SRCAP: variants seen among roughly 807,000 people sequenced by gnomAD.
SRCAP encodes the protein chromatin remodeling protein SRCAP.
In SRCAP, 46 loss-of-function variants were observed where a neutral mutation model predicts 263.1. The ratio of observed to expected loss-of-function variants is 0.17; its 90% CI spans 0.14 to 0.22. The LOEUF (loss-of-function observed/expected upper bound fraction) is 0.22, where lower values mean the gene tolerates loss of function less well. Ranked by LOEUF, SRCAP falls within the 10% of genes least tolerant of loss-of-function variation. SRCAP has a pLI of 1.00. For missense variants in SRCAP, 3,695 were observed against 4,181.9 expected, an observed-to-expected ratio of 0.88 and a Z score of 3.21; for synonymous variants, 1,813 against 1,662.1, an observed-to-expected ratio of 1.09 and a Z score of -2.21.
intron 21 of SRCAP, 67 bp downstream of exon 21, chr16:30,721,543 C>T: frequency 1.3e-6 from 2 of 1,550,088 alleles, no homozygotes; most frequent in East Asian, 2.3e-5. Flanking sequence ...ATGAGAGCAT[C>T]AAATTTTAGG....
chr16:30,734,301 C>G, intron 30 of SRCAP, 195 bp from the exon 31 acceptor site: 2 of 746,366 alleles, frequency 2.7e-6, no homozygotes, highest in Non-Finnish European at 4.2e-6. Context: ...TGAGATGGCG[C>G]CATTGCACTT....
In SRCAP at chr16:30,713,898, C is replaced by CT. The variant is rs1488979931; in HGVS notation, c.2493+188dup. Among the ~76,000 whole-genome samples the CT allele has an allele frequency of 7.8e-5, 9 of 116,006 alleles. 1 individual carries two copies. Among genetic ancestry groups the CT allele is most frequent in the Middle Eastern group, 0.011 (2 of 174 alleles). 76.1% of individuals were successfully genotyped at this position (116,006 alleles called of 152,430 possible). A position where few individuals can be genotyped will look rare whatever the true frequency, so the allele number is the denominator to read the frequency against. Reference sequence around the variant, plus strand: ...AGTGACCTCATCTTAGTCATCAATTCTGTTTTTTTTTTTTTTTGAGACTGA... The same window carrying CT: ...AGTGACCTCATCTTAGTCATCAATTCTTGTTTTTTTTTTTTTTTGAGACTGA... On this transcript the variant is annotated intron_variant, in intron 16 of 33. Transcript: ENST00000262518.
intron 2 of SRCAP, 82 bp downstream of exon 2, chr16:30,700,063 G>GA (rs1162775980): frequency 6.6e-6 from 1 of 152,194 alleles, no homozygotes; most frequent in East Asian, 1.9e-4. Context: ...CCGTATTGGG[G>GA]ATTTTCACTC....
chr16:30,728,990 C>CGGCA lies in SRCAP; in HGVS notation c.5685_5688dup (p.Arg1897AlafsTer4). The stretch of plus-strand genomic sequence containing the variant: ...GGACTCCCTGGAGGAAAAGCGGAAG[C>CGGCA]GGCAGCGGTCTGAACGCCTGGAACG... On this transcript the variant is annotated frameshift_variant, in exon 26 of 34. Transcript: ENST00000262518. LOFTEE classifies it high-confidence loss of function. 1.2e-6 allele frequency: 2 copies of CGGCA among 1,613,542 alleles called. No individual in the cohort carries two copies. The highest frequency in any genetic ancestry group is 1.7e-6 in the Non-Finnish European group (2 of 1,179,578).
At position 30,720,213 on chromosome 16, in the gene SRCAP, C is replaced by G; in HGVS notation, c.2869C>G (p.Arg957Gly). ...DLIGLEGRVS[R>G]YEADTFLPRH... Reference sequence around the variant, plus strand: ...TATTGGCCTGGAAGGTCGTGTCTCTCGATATGAGGCAGACACATTTCTGCC... The same window carrying G: ...TATTGGCCTGGAAGGTCGTGTCTCTGGATATGAGGCAGACACATTTCTGCC... The change falls in exon 19 of 34, where the codon CGA (arginine) becomes GGA (glycine). Residue 957 changes from arginine (R) to glycine (G), a missense_variant. Arg to Gly is a moderately radical substitution (Grantham distance 125). Transcript: ENST00000262518. 1 of 1,613,934 alleles carries G rather than the reference C, an allele frequency of 6.2e-7. No individual in the cohort carries two copies. The highest frequency in any genetic ancestry group is 8.5e-7 in the Non-Finnish European group (1 of 1,179,866).
chr16:30,722,663 T>C lies in SRCAP; in HGVS notation c.3807T>C (p.Pro1269=), dbSNP rs760317410. The C allele has an allele frequency of 6.2e-7, 1 of 1,613,856 alleles. No homozygotes were observed. The highest frequency in any genetic ancestry group is 8.5e-7 in the Non-Finnish European group (1 of 1,179,944). Residue 1269 remains proline (P), a synonymous_variant, in exon 23 of 34, where the codon CCT becomes CCC. Coordinates refer to ENST00000262518, the MANE Select transcript of SRCAP (RefSeq NM_006662.3). The part of the protein sequence containing the change: ...LIQAVAPTPG[P]TPVSVLPSST... ...AGGCCGTGGCCCCGACCCCTGGCCC[T>C]ACCCCTGTCTCTGTGCTGCCTTCTT... is the stretch of plus-strand genomic sequence containing the variant.
chr16:30,711,876 T>C lies in SRCAP; in HGVS notation c.1534T>C (p.Ser512Pro), dbSNP rs1168168966. The C allele has an allele frequency of 6.2e-7, 1 of 1,613,720 alleles. No individual in the cohort carries two copies. Among genetic ancestry groups the C allele is most frequent in the East Asian group, 2.2e-5 (1 of 44,852 alleles). Residue 512 changes from serine to proline, a missense_variant, in exon 12 of 34, where the codon TCA becomes CCA. Coordinates refer to ENST00000262518, the MANE Select transcript of SRCAP (RefSeq NM_006662.3). Reference protein sequence around the residue: ...DRSEDEEDEHSEEEETSGSSA... With the variant: ...DRSEDEEDEHPEEEETSGSSA... ...GAGTGAGGATGAGGAAGATGAACATTCAGAGGAGGAAGAAACAAGTGGAAG... is the reference window on the plus strand; with the variant it reads ...GAGTGAGGATGAGGAAGATGAACATCCAGAGGAGGAAGAAACAAGTGGAAG...
At chr16:30,719,222 ATT>A (rs71149048) in intron 18 of SRCAP, among the ~76,000 whole-genome samples, 4 of 144,094 alleles carry the variant, frequency 2.8e-5, no homozygotes, top group South Asian at 4.4e-4. Context: ...ATTTATTTTT[ATT>A]TTTTTTTTTG....
chr16:30,710,644 A>G lies in SRCAP; in HGVS notation c.1135-110A>G, dbSNP rs1555463743. The G allele has an allele frequency of 1.1e-5, 12 of 1,100,820 alleles. No homozygotes were observed. In the East Asian group the frequency reaches 1.4e-4, roughly 13 times the overall value. The allele number at this position is 1,100,820 out of a possible 1,614,324, so 68.2% of individuals were successfully genotyped here. ...TTGCCCTGGGATTATACCAGTGGCA[A>G]CTGTCACTCAATGGGACAGTGATTC... On this transcript the variant is annotated intron_variant, in intron 8 of 33. Coordinates refer to ENST00000262518, the MANE Select transcript of SRCAP (RefSeq NM_006662.3).
At chr16:30,730,565 G>A (rs2053104307) in intron 27 of SRCAP, among the ~76,000 whole-genome samples, 1 of 152,012 alleles carries the variant, frequency 6.6e-6, no homozygotes, top group African/African-American at 2.4e-5. Flanking sequence ...CTGAGTAGCT[G>A]GGATTACAGG....
In SRCAP at chr16:30,729,508, G is replaced by A. The variant is rs1461100942; in HGVS notation, c.6063G>A (p.Leu2021=). The A allele has an allele frequency of 1.9e-6, 3 of 1,614,048 alleles. No individual in the cohort carries two copies. The highest frequency in any genetic ancestry group is 2.5e-6 in the Non-Finnish European group (3 of 1,180,032). ...AGCTCTGGCCCCGGGCTCGTCCTTT[G>A]CACCGTATTGTGTGTAACATGCGCA... The part of the protein sequence containing the change: ...ASELWPRARP[L]HRIVCNMRTQ... Residue 2021 remains leucine, a synonymous_variant, in exon 27 of 34, where the codon TTG becomes TTA. Transcript: ENST00000262518.
Position 30,737,247 on chromosome 16 carries a change from C to T in SRCAP, c.7207C>T (p.Arg2403Trp), listed in dbSNP as rs1217037314. Reference protein sequence around the residue: ...TRVSERLRGARAETQGANHTP... With the variant: ...TRVSERLRGAWAETQGANHTP... ...TGTCAGTGAGCGTCTTCGTGGAGCC[C>T]GGGCTGAGACTCAAGGGGCAAACCA... Residue 2403 changes from arginine (R) to tryptophan (W), a missense_variant, in exon 34 of 34, where the codon CGG becomes TGG. This residue lies in a region of SRCAP where 1,207 missense variants were observed against 1,142.9 expected (regional missense o/e 1.06). Coordinates refer to ENST00000262518, the MANE Select transcript of SRCAP (RefSeq NM_006662.3). 2.5e-6 allele frequency: 4 copies of T among 1,614,042 alleles called. No homozygotes were observed. Among genetic ancestry groups the T allele is most frequent in the Non-Finnish European group, 3.4e-6 (4 of 1,180,008 alleles).
chr16:30,705,675 A>G (rs2052819303), intron 4 of SRCAP, among the ~76,000 whole-genome samples: 1 of 149,394 alleles, frequency 6.7e-6, no homozygotes. Context: ...CTGGGATTAC[A>G]GGCATGAGCC....
At chr16:30,711,343 C>T (rs1049127870) in intron 10 of SRCAP, among the ~76,000 whole-genome samples, 1 of 152,158 alleles carries the variant, frequency 6.6e-6, no homozygotes, top group Admixed American at 6.5e-5. Context: ...TGACCTGGAC[C>T]TTGAGAGGCT....
At position 30,707,357 on chromosome 16, in the gene SRCAP, G is replaced by T; in HGVS notation, c.481G>T (p.Val161Leu). 6.2e-7 allele frequency: 1 copy of T among 1,614,056 alleles called. No individual in the cohort carries two copies. Among genetic ancestry groups the T allele is most frequent in the Non-Finnish European group, 8.5e-7 (1 of 1,179,954 alleles). Residue 161 changes from valine (V) to leucine (L), a missense_variant, in exon 5 of 34, where the codon GTG becomes TTG. Around this residue, in one of 12 missense-constraint regions of SRCAP, gnomAD observed 107 missense variants for 223.8 expected, o/e 0.48. Transcript: ENST00000262518. Reference protein sequence around the residue: ...FAQERRWKRGVARKVVRMVIR... With the variant: ...FAQERRWKRGLARKVVRMVIR... ...TCAGGAGCGCCGTTGGAAACGGGGT[G>T]TGGCCCGGAAGGTAGGTCTTCCGCT...
At chr16:30,736,083 T>C (rs1205550935) in intron 31 of SRCAP, 117 bp from the exon 32 acceptor site, 1 of 1,248,258 alleles carries the variant, frequency 8.0e-7, no homozygotes, top group East Asian at 2.5e-5. Context: ...GGTTGTTGAG[T>C]TCTGTTGCAA....
Position 30,724,900 on chromosome 16 carries a change from T to G in SRCAP, c.5476T>G (p.Ser1826Ala). ...TTCCCAGGCATCTTCCCTTGTGGTT[T>G]CGGCATCTGGTGCCGCTCCCTTGCC... Reference protein sequence around the residue: ...PASQASSLVVSASGAAPLPVT... With the variant: ...PASQASSLVVAASGAAPLPVT... The change falls in exon 25 of 34, where the codon TCG becomes GCG. Residue 1826 changes from serine (S) to alanine (A), a missense_variant. Physicochemically the swap from Ser to Ala is moderately conservative, Grantham distance 99 (BLOSUM62 1). Coordinates refer to ENST00000262518, the MANE Select transcript of SRCAP (RefSeq NM_006662.3). 1 of 1,614,210 alleles carries G rather than the reference T, an allele frequency of 6.2e-7. No homozygotes were observed. The highest frequency in any genetic ancestry group is 8.5e-7 in the Non-Finnish European group (1 of 1,180,038).
intron 1 of SRCAP, 58 bp from the exon 2 acceptor site, chr16:30,699,850 G>T (rs1445451201): frequency 6.6e-6 from 1 of 152,094 alleles, no homozygotes; most frequent in African/African-American, 2.4e-5. Flanking sequence ...ACTGATTTGG[G>T]TATATTTAAA....
intron 27 of SRCAP, among the ~76,000 whole-genome samples, chr16:30,730,509 G>A (rs763109084): frequency 5.9e-5 from 9 of 151,910 alleles, no homozygotes; most frequent in Non-Finnish European, 1.3e-4. Context: ...TCGGCTCACT[G>A]CAACTTCCGC....
Sources: gnomAD v4.1 joint callset for allele counts (sites outside exome capture counted in the v4.1 genomes callset) on GRCh38, gnomAD v4.1.1 for gene constraint, gnomAD v4.1.1 regional missense constraint, MANE v1.5 for transcripts, NCBI Gene and HGNC (gene_info 2026-07-23, HGNC 2026-07-21) for gene names.